CSNK1D: variants seen among roughly 807,000 people sequenced by gnomAD.
The protein encoded by CSNK1D is casein kinase 1 delta.
A neutral mutation model predicts 46.6 loss-of-function variants in CSNK1D; 16 were observed. The ratio of observed to expected loss-of-function variants is 0.34; its 90% CI spans 0.23 to 0.52. CSNK1D has a LOEUF of 0.52. Among genes scored for constraint, CSNK1D ranks in the 20% least tolerant of loss-of-function variants. The probability of loss-of-function intolerance (pLI) is 0.95; values close to 1 mark genes in which losing one functional copy is unlikely to be tolerated. For synonymous variants in CSNK1D, 276 were observed against 228.2 expected (o/e 1.21, Z -1.89); for missense variants, 398 against 578.4 (o/e 0.69, Z 3.20).
chr17:82,257,193 T>C (rs981450085), intron 2 of CSNK1D, among the ~76,000 whole-genome samples: 1 of 152,130 alleles, frequency 6.6e-6, no homozygotes, highest in Non-Finnish European at 1.5e-5. Flanking sequence ...TAAGTTTTTC[T>C]ATCATGGTAT....
At chr17:82,261,452 G>A (rs1170093888) in intron 2 of CSNK1D, among the ~76,000 whole-genome samples, 1 of 150,552 alleles carries the variant, frequency 6.6e-6, no homozygotes, top group African/African-American at 2.4e-5. Context: ...ATGAAGACAT[G>A]CTCCACTCTC....
chr17:82,254,679 C>T (rs2051118658), intron 3 of CSNK1D: 4 of 113,494 alleles, frequency 3.5e-5, no homozygotes, highest in African/African-American at 1.0e-4. Flanking sequence ...AGCTGAGCCG[C>T]CGGAGCCTCG....
In CSNK1D at chr17:82,250,355, C is replaced by T. The variant is rs537090434; in HGVS notation, c.886-753G>A. 6 of 474,714 alleles carry T rather than the reference C, an allele frequency of 1.3e-5. No homozygotes were observed. In the East Asian group the frequency reaches 3.5e-4, roughly 28 times the overall value. 29.4% of individuals were successfully genotyped at this position (474,714 alleles called of 1,614,324 possible). On this transcript the variant is annotated intron_variant, in intron 6 of 8. Coordinates refer to ENST00000314028, the MANE Select transcript of CSNK1D (RefSeq NM_001893.6). The surrounding 1 kb of genome is among the most constrained non-coding windows in gnomAD (Gnocchi z 4.6). ...TGCGGCTGCAGCACCGTGCGGCCAG[C>T]ACCGCCCAGACTCCTCATGCTGCCA...
Position 82,244,403 on chromosome 17 carries a change from G to T in CSNK1D, c.*378C>A. On this transcript the variant is annotated 3_prime_UTR_variant, in exon 9 of 9. Coordinates refer to ENST00000314028, the MANE Select transcript of CSNK1D (RefSeq NM_001893.6). ...TTAAGCCAATAATTTTTAGCAAAAT[G>T]ATACAAAACTGTCTTAACCAAGTAG... 1 of 1,166,724 alleles carries T rather than the reference G, an allele frequency of 8.6e-7. No homozygotes were observed. Among genetic ancestry groups the T allele is most frequent in the Admixed American group, 4.0e-5 (1 of 24,794 alleles). The allele number at this position is 1,166,724 out of a possible 1,614,324, so 72.3% of individuals were successfully genotyped here.
intron 2 of CSNK1D, among the ~76,000 whole-genome samples, chr17:82,264,332 G>A (rs546123492): frequency 3.4e-4 from 52 of 152,330 alleles, no homozygotes; most frequent in African/African-American, 1.2e-3. Flanking sequence ...CTGCCAGACC[G>A]AAGCTCTGCT....
chr17:82,255,405 C>T lies in CSNK1D; in HGVS notation c.336+24G>A. 2 of 1,613,886 alleles carry T rather than the reference C, an allele frequency of 1.2e-6. No individual in the cohort carries two copies. Among genetic ancestry groups the T allele is most frequent in the Non-Finnish European group, 8.5e-7 (1 of 1,179,796 alleles). ...ATTCTATCAGACAGCAAGTGTGTGCCAACTGTCAGGAAACAGTCCTTACCA... is the reference window on the plus strand; with the variant it reads ...ATTCTATCAGACAGCAAGTGTGTGCTAACTGTCAGGAAACAGTCCTTACCA... On this transcript the variant is annotated intron_variant, in intron 3 of 8. Transcript: ENST00000314028. The surrounding 1 kb of genome is among the most constrained non-coding windows in gnomAD (Gnocchi z 5.9).
At position 82,255,299 on chromosome 17, in the gene CSNK1D, A is replaced by C; in HGVS notation, c.336+130T>G. The C allele has an allele frequency of 8.8e-7, 1 of 1,130,342 alleles. No homozygotes were observed. The highest frequency in any genetic ancestry group is 2.4e-5 in the East Asian group (1 of 41,520). The allele number at this position is 1,130,342 out of a possible 1,614,324, so 70.0% of individuals were successfully genotyped here. ...AGTGAGCTGAGCCACTGCAGCCTCA[A>C]GGCTGAGGCTCAGCAAATTTCCATT... On this transcript the variant is annotated intron_variant, in intron 3 of 8. Coordinates refer to ENST00000314028, the MANE Select transcript of CSNK1D (RefSeq NM_001893.6). This position sits in a 1 kb window ranked among gnomAD's most constrained non-coding sequence, Gnocchi z 5.9.
rs2050775949 is a variant in CSNK1D at position 82,243,447 on chromosome 17, G to A, written c.*1334C>T. ...GCGAGAAGGCATCCTGGGAACCTCA[G>A]GGCACAGCAGCATGGAGCCTGGGGC... On this transcript the variant is annotated 3_prime_UTR_variant, in exon 9 of 9. Coordinates refer to ENST00000314028, the MANE Select transcript of CSNK1D (RefSeq NM_001893.6). 9 of 985,412 alleles carry A rather than the reference G, an allele frequency of 9.1e-6. No individual in the cohort carries two copies. The South Asian group carries it at 2.3e-4, about 26-fold the overall frequency. The allele number at this position is 985,412 out of a possible 1,614,324, so 61.0% of individuals were successfully genotyped here.
downstream of CSNK1D, chr17:82,239,775 C>T: frequency 1.0e-5 from 4 of 395,482 alleles, no homozygotes; most frequent in Non-Finnish European, 1.8e-5. Flanking sequence ...AAACAGGACC[C>T]TCCTGCCTTC....
chr17:82,246,089 A>C, intron 8 of CSNK1D: 1 of 1,578,378 alleles, frequency 6.3e-7, no homozygotes, highest in Non-Finnish European at 8.6e-7. Flanking sequence ...TGGCCCCCTG[A>C]CTACCTGTGT....
chr17:82,247,197 G>T (rs1008916669), intron 8 of CSNK1D: 2 of 985,446 alleles, frequency 2.0e-6, no homozygotes, highest in Non-Finnish European at 2.4e-6. Flanking sequence ...AGCCCACGTT[G>T]TATTTCCTCA....
In CSNK1D at chr17:82,252,705, CATGCCCAG is replaced by C; in HGVS notation, c.566-109_566-102del. ...CCAGTGGAGACTAGCCTCAGACACA[CATGCCCAG>C]ATCACTCCAGCTGGCACTTCCAGTG... On this transcript the variant is annotated intron_variant, in intron 4 of 8. Transcript: ENST00000314028. The surrounding 1 kb of genome is among the most constrained non-coding windows in gnomAD (Gnocchi z 4.6). 8.2e-7 allele frequency: 1 copy of C among 1,223,524 alleles called. No homozygotes were observed. Among genetic ancestry groups the C allele is most frequent in the Non-Finnish European group, 1.2e-6 (1 of 858,764 alleles). 75.8% of individuals were successfully genotyped at this position (1,223,524 alleles called of 1,614,324 possible). A position where few individuals can be genotyped will look rare whatever the true frequency, so the allele number is the denominator to read the frequency against.
At chr17:82,269,673 G>A (rs2051569310) in intron 1 of CSNK1D, among the ~76,000 whole-genome samples, 1 of 152,246 alleles carries the variant, frequency 6.6e-6, no homozygotes. Context: ...CAGCCCACCA[G>A]CCAGGTAATC....
In CSNK1D at chr17:82,250,837, A is replaced by T. The variant is rs116779317; in HGVS notation, c.885+542T>A. ...GTTCCACAGGAGCTTCATTTCTGAC[A>T]GCGGTGTCTGAAAAGTAATTCAGCT... On this transcript the variant is annotated intron_variant, in intron 6 of 8. Transcript: ENST00000314028. This position sits in a 1 kb window ranked among gnomAD's most constrained non-coding sequence, Gnocchi z 4.6. 6.5e-4 allele frequency: 113 copies of T among 174,798 alleles called. No homozygotes were observed. Among genetic ancestry groups the T allele is most frequent in the African/African-American group, 2.5e-3 (104 of 41,966 alleles). The allele number at this position is 174,798 out of a possible 1,614,324, so 10.8% of individuals were successfully genotyped here.
chr17:82,251,630 G>A lies in CSNK1D; in HGVS notation c.737-103C>T. The A allele has an allele frequency of 2.6e-6, 3 of 1,153,504 alleles. No individual in the cohort carries two copies. The highest frequency in any genetic ancestry group is 1.3e-5 in the South Asian group (1 of 77,420). The allele number at this position is 1,153,504 out of a possible 1,614,324, so 71.5% of individuals were successfully genotyped here. On this transcript the variant is annotated intron_variant, in intron 5 of 8. Coordinates refer to ENST00000314028, the MANE Select transcript of CSNK1D (RefSeq NM_001893.6). The surrounding 1 kb of genome is among the most constrained non-coding windows in gnomAD (Gnocchi z 4.5). Reference sequence around the variant, plus strand: ...CCTCCTGCTGCTGCACACTCAAGGGGAGAAGGACAGATGCAAAACACCTGT... The same window carrying A: ...CCTCCTGCTGCTGCACACTCAAGGGAAGAAGGACAGATGCAAAACACCTGT...
chr17:82,245,307 C>A, intron 8 of CSNK1D: 1 of 286,446 alleles, frequency 3.5e-6, no homozygotes, highest in Non-Finnish European at 6.8e-6. Context: ...GCGCGCGTGG[C>A]CGCCGAGGAG....
Position 82,251,950 on chromosome 17 carries a change from C to T in CSNK1D, c.737-423G>A, listed in dbSNP as rs1404517207. 6 of 317,690 alleles carry T rather than the reference C, an allele frequency of 1.9e-5. No individual in the cohort carries two copies. Among genetic ancestry groups the T allele is most frequent in the Non-Finnish European group, 3.0e-5 (5 of 165,846 alleles). The allele number at this position is 317,690 out of a possible 1,614,324, so 19.7% of individuals were successfully genotyped here. A position where few individuals can be genotyped will look rare whatever the true frequency, so the allele number is the denominator to read the frequency against. On this transcript the variant is annotated intron_variant, in intron 5 of 8. Coordinates refer to ENST00000314028, the MANE Select transcript of CSNK1D (RefSeq NM_001893.6). The surrounding 1 kb of genome is among the most constrained non-coding windows in gnomAD (Gnocchi z 4.5). ...CGGAGCTTGCAGTGAGCCGAGATCA[C>T]GCCACTGCACTCTAGCCTTGGCGAC... is the stretch of plus-strand genomic sequence containing the variant.
Position 82,244,685 on chromosome 17 carries a change from C to T in CSNK1D, c.*96G>A, listed in dbSNP as rs2050804705. ...TGGAGAGCTCCCGGTGTTAACATTT[C>T]GATCCTAGACCGGGGGACGTGTCAC... On this transcript the variant is annotated 3_prime_UTR_variant, in exon 9 of 9. Transcript: ENST00000314028. The T allele has an allele frequency of 7.5e-6, 12 of 1,597,906 alleles. No homozygotes were observed. Among genetic ancestry groups the T allele is most frequent in the Middle Eastern group, 1.7e-4 (1 of 6,054 alleles).
chr17:82,263,525 C>A (rs921919535), intron 2 of CSNK1D, among the ~76,000 whole-genome samples: 5 of 152,178 alleles, frequency 3.3e-5, no homozygotes, highest in African/African-American at 9.7e-5. Flanking sequence ...CCAACATCTA[C>A]CATGCAGAGA....
Sources: allele counts gnomAD v4.1 joint callset (sites outside exome capture counted in the v4.1 genomes callset), GRCh38; gene constraint gnomAD v4.1.1; non-coding constraint Gnocchi (gnomAD v3.1); transcripts MANE v1.5; gene names NCBI Gene and HGNC (gene_info 2026-07-23, HGNC 2026-07-21).